Variants in MROH9 observed in about 807,000 individuals in gnomAD.
The protein encoded by MROH9 is maestro heat-like repeat-containing protein family member 9.
Under a neutral mutation model 98.2 loss-of-function variants are expected in MROH9, and 92 were observed. That is an observed-to-expected ratio of 0.94 (90% CI 0.79 to 1.11). The LOEUF is 1.11. Ranked by LOEUF, MROH9 falls within the 50% of genes most tolerant of loss-of-function variation. The pLI is 0.00. For synonymous variants in MROH9, 397 were observed against 368.9 expected (o/e 1.08, Z -0.87); for missense variants, 1,057 against 1,014.8 (o/e 1.04, Z -0.57).
chr1:171,006,081 A>C (rs561560501), intron 15 of MROH9, among the ~76,000 whole-genome samples: 8 of 152,322 alleles, frequency 5.3e-5, no homozygotes, highest in Admixed American at 5.2e-4. Flanking sequence ...CAAGTTGAAG[A>C]ACTCCCTTTA....
At chr1:170,981,766 A>G (rs1418160134) in intron 8 of MROH9, among the ~76,000 whole-genome samples, 2 of 152,114 alleles carry the variant, frequency 1.3e-5, no homozygotes, top group East Asian at 1.9e-4. Flanking sequence ...CTCTCTATGA[A>G]AAAAGACAAC....
At chr1:171,044,922 A>T (rs1264421703) in intron 20 of MROH9, among the ~76,000 whole-genome samples, 2 of 112,534 alleles carry the variant, frequency 1.8e-5, no homozygotes, top group Non-Finnish European at 3.9e-5. Context: ...TGTTTCACTT[A>T]TCATTTGTAT....
chr1:170,960,380 C>T (rs1349456498), intron 5 of MROH9, among the ~76,000 whole-genome samples: 1 of 152,090 alleles, frequency 6.6e-6, no homozygotes, highest in African/African-American at 2.4e-5. Context: ...AAAATAACTT[C>T]TGAGTTAAAT....
chr1:171,025,245 A>C, intron 19 of MROH9, 73 bp from the exon 20 acceptor site: 1 of 906,246 alleles, frequency 1.1e-6, no homozygotes, highest in Non-Finnish European at 1.7e-6. Context: ...TGGTATGTTG[A>C]AGCCTTTCTG....
In MROH9 at chr1:171,064,195, C is replaced by A. The variant is rs1216689180; in HGVS notation, c.2441C>A (p.Ser814Tyr). The A allele has an allele frequency of 2.6e-6, 4 of 1,551,560 alleles. No individual in the cohort carries two copies. The highest frequency in any genetic ancestry group is 3.5e-6 in the Non-Finnish European group (4 of 1,146,926). ...IFKKKAHKLTSAPLKQNFQKL... is the reference protein window; with the variant it reads ...IFKKKAHKLTYAPLKQNFQKL... ...AAGAAAAAAGCCCATAAACTGACCT[C>A]TGCACCTCTTAAACAAAACTTCCAA... Residue 814 changes from serine (S) to tyrosine (Y), a missense_variant, in exon 22 of 22, where the codon TCT (serine) becomes TAT (tyrosine). Transcript: ENST00000367759.
At chr1:171,023,492 T>C (rs995964252) in intron 17 of MROH9, among the ~76,000 whole-genome samples, 37 of 152,288 alleles carry the variant, frequency 2.4e-4, no homozygotes, top group African/African-American at 8.7e-4. Context: ...TTTATACTTT[T>C]AGGATGTTAT....
At chr1:170,962,862 A>C (rs1650070821) in intron 6 of MROH9, among the ~76,000 whole-genome samples, 1 of 152,128 alleles carries the variant, frequency 6.6e-6, no homozygotes, top group African/African-American at 2.4e-5. Context: ...TAAACCCCAA[A>C]ACTATAAAAA....
intron 1 of MROH9, 78 bp from the exon 2 acceptor site, chr1:170,945,442 A>G: frequency 1.1e-6 from 1 of 882,112 alleles, no homozygotes; most frequent in Admixed American, 1.9e-5. Context: ...ATATCATAGT[A>G]CCATCCATAT....
intron 17 of MROH9, among the ~76,000 whole-genome samples, chr1:171,023,580 A>C (rs548595918): frequency 6.6e-6 from 1 of 152,308 alleles, no homozygotes; most frequent in South Asian, 2.1e-4. Flanking sequence ...TATGGTAAGT[A>C]AATTGTTTTA....
intron 8 of MROH9, among the ~76,000 whole-genome samples, chr1:170,973,052 G>T: frequency 6.6e-6 from 1 of 151,600 alleles, no homozygotes; most frequent in East Asian, 1.9e-4. Flanking sequence ...AGTCCAGAGA[G>T]GTCAATAGCT....
chr1:171,042,858 T>C (rs1653351535), intron 20 of MROH9, among the ~76,000 whole-genome samples: 1 of 152,184 alleles, frequency 6.6e-6, no homozygotes, highest in Non-Finnish European at 1.5e-5. Context: ...TATAGAGTTG[T>C]TTGAACTCCT....
At chr1:171,003,847 G>A (rs890073576) in intron 15 of MROH9, among the ~76,000 whole-genome samples, 1 of 152,090 alleles carries the variant, frequency 6.6e-6, no homozygotes, top group African/African-American at 2.4e-5. Context: ...GGGTGGGTAG[G>A]GAAGGATCAT....
intron 1 of MROH9, among the ~76,000 whole-genome samples, chr1:170,944,891 T>A (rs1472385877): frequency 4.6e-5 from 7 of 152,028 alleles, no homozygotes. Context: ...ATATGATGTA[T>A]GATGGGAAAT....
intron 1 of MROH9, among the ~76,000 whole-genome samples, chr1:170,942,934 G>A (rs1266130330): frequency 6.6e-6 from 1 of 152,056 alleles, no homozygotes; most frequent in East Asian, 1.9e-4. Context: ...TGCCAGGAGG[G>A]TAAAATAGTT....
intron 16 of MROH9, among the ~76,000 whole-genome samples, chr1:171,014,647 A>G (rs1259400996): frequency 1.3e-5 from 2 of 152,058 alleles, no homozygotes; most frequent in Admixed American, 6.6e-5. Flanking sequence ...TAATGTTCCT[A>G]CTTTACCTAT....
In MROH9 at chr1:170,982,163, T is replaced by C. The variant is rs1182439442; in HGVS notation, c.617-1259T>C. ...TACATGAATGTTCATAACACCATTA[T>C]TTGTAATAGCCTCAAACCGGAAACA... On this transcript the variant is annotated intron_variant, in intron 8 of 21. Transcript: ENST00000367759. 3.3e-5 allele frequency among the ~76,000 whole-genome samples: 5 copies of C among 152,210 alleles called. 1 individual carries two copies. The highest frequency in any genetic ancestry group is 7.3e-5 in the Non-Finnish European group (5 of 68,028).
intron 15 of MROH9, among the ~76,000 whole-genome samples, chr1:171,000,025 G>T (rs544140316): frequency 6.6e-6 from 1 of 151,938 alleles, no homozygotes; most frequent in East Asian, 1.9e-4. Flanking sequence ...CTTTTTGATG[G>T]GATTACTTGT....
chr1:171,041,408 T>TACACACACACAC lies in MROH9; in HGVS notation c.2281+16006_2281+16017dup, dbSNP rs137951871. ...GTGTGTATGTATTGGTCAAGATACA[T>TACACACACACAC]ACACACACACACACACACACACACA... On this transcript the variant is annotated intron_variant, in intron 20 of 21. Transcript: ENST00000367759. Among the ~76,000 whole-genome samples, 23 of 102,968 alleles carry TACACACACACAC rather than the reference T, an allele frequency of 2.2e-4. 1 individual carries two copies. Among genetic ancestry groups the TACACACACACAC allele is most frequent in the South Asian group, 4.5e-4 (1 of 2,232 alleles). The allele number at this position is 102,968 out of a possible 152,430, so 67.6% of individuals were successfully genotyped here.
chr1:171,022,769 A>G (rs1297618670), intron 17 of MROH9, among the ~76,000 whole-genome samples: 2 of 152,174 alleles, frequency 1.3e-5, no homozygotes, highest in African/African-American at 4.8e-5. Flanking sequence ...GTTAAAAAAA[A>G]AGAAAAAAGT....
Sources: allele counts gnomAD v4.1 joint callset (sites outside exome capture counted in the v4.1 genomes callset), GRCh38; gene constraint gnomAD v4.1.1; transcripts MANE v1.5; gene names NCBI Gene and HGNC (gene_info 2026-07-23, HGNC 2026-07-21).